Variants in USO1 observed in about 807,000 individuals in gnomAD.
USO1 encodes USO1 vesicle transport factor, also known as general vesicular transport factor p115.
Under a neutral mutation model 124.5 loss-of-function variants are expected in USO1, and 57 were observed. The observed-to-expected ratio is 0.46, with a 90% CI of 0.37 to 0.57. USO1 has a LOEUF of 0.57. USO1 is among the 20% of genes least tolerant of loss of function. USO1 has a pLI of 0.00. For missense variants in USO1, 900 were observed against 1,040.6 expected, an observed-to-expected ratio of 0.86 and a Z score of 1.86; for synonymous variants, 369 against 362.8, an observed-to-expected ratio of 1.02 and a Z score of -0.19.
intron 14 of USO1, 145 bp from the exon 15 acceptor site, chr4:75,800,206 A>T (rs1034182763): frequency 1.0e-6 from 1 of 966,826 alleles, no homozygotes; most frequent in Non-Finnish European, 1.4e-6. Flanking sequence ...CAAAGTGCTG[A>T]GATTACAGGC....
chr4:75,793,423 G>A (rs1050123658), intron 12 of USO1, among the ~76,000 whole-genome samples: 23 of 151,902 alleles, frequency 1.5e-4, no homozygotes, highest in African/African-American at 5.6e-4. Flanking sequence ...AGAATTACAG[G>A]CGTGAGCCAC....
chr4:75,745,616 G>A (rs1302782653), intron 1 of USO1, among the ~76,000 whole-genome samples: 1 of 152,094 alleles, frequency 6.6e-6, no homozygotes, highest in Admixed American at 6.6e-5. Context: ...TTATTAGTTT[G>A]TAGCCAGGCG....
At chr4:75,793,621 CAATT>C (rs1319198069) in intron 12 of USO1, 65 bp from the exon 13 acceptor site, 3 of 1,535,052 alleles carry the variant, frequency 2.0e-6, no homozygotes, top group Non-Finnish European at 8.8e-7. Context: ...GTACAGAAAA[CAATT>C]TATTTAAAAT....
intron 13 of USO1, among the ~76,000 whole-genome samples, chr4:75,798,700 A>G (rs1446842923): frequency 6.6e-6 from 1 of 152,186 alleles, no homozygotes; most frequent in Non-Finnish European, 1.5e-5. Context: ...TTCGGAACAC[A>G]GTGATGATTA....
At chr4:75,803,970 T>C (rs1045214683) in intron 17 of USO1, among the ~76,000 whole-genome samples, 164 bp from the exon 18 acceptor site, 3 of 152,226 alleles carry the variant, frequency 2.0e-5, no homozygotes, top group African/African-American at 7.2e-5. Flanking sequence ...TTGGCCTTGA[T>C]GGATATATTA....
intron 21 of USO1, 89 bp from the exon 22 acceptor site, chr4:75,810,342 CA>C: frequency 7.2e-7 from 1 of 1,387,894 alleles, no homozygotes; most frequent in Non-Finnish European, 9.5e-7. Flanking sequence ...AGTAAAATAT[CA>C]AAATGGCAAA....
intron 4 of USO1, among the ~76,000 whole-genome samples, chr4:75,759,737 C>T (rs1314906635): frequency 6.6e-6 from 1 of 151,366 alleles, no homozygotes; most frequent in South Asian, 2.1e-4. Context: ...GGAGAAACCC[C>T]GTCTCTACTA....
chr4:75,749,195 G>T (rs897720944), intron 1 of USO1, among the ~76,000 whole-genome samples: 3 of 151,958 alleles, frequency 2.0e-5, no homozygotes, highest in Non-Finnish European at 4.4e-5. Flanking sequence ...AGTTAATTTC[G>T]TATAACCTTG....
At chr4:75,737,446 TGGG>T (rs1050848112) in intron 1 of USO1, among the ~76,000 whole-genome samples, 1 of 152,130 alleles carries the variant, frequency 6.6e-6, no homozygotes, top group Non-Finnish European at 1.5e-5. Flanking sequence ...ATTAAAAAGA[TGGG>T]GGGTCTTAAA....
chr4:75,754,506 C>G (rs1421516354), intron 3 of USO1, among the ~76,000 whole-genome samples: 2 of 152,320 alleles, frequency 1.3e-5, no homozygotes, highest in East Asian at 3.9e-4. Flanking sequence ...TTGTACATTT[C>G]TACTCTACCA....
At chr4:75,768,430 C>T (rs929970062) in intron 4 of USO1, among the ~76,000 whole-genome samples, 20 of 142,796 alleles carry the variant, frequency 1.4e-4, no homozygotes, top group African/African-American at 2.0e-4. Flanking sequence ...TTTTAATTTC[C>T]GATTGTCATT....
intron 10 of USO1, among the ~76,000 whole-genome samples, chr4:75,789,279 T>TTGC (rs1453331435): frequency 1.9e-5 from 1 of 53,102 alleles, no homozygotes; most frequent in South Asian, 9.2e-4. Context: ...CTGTTTTGTG[T>TTGC]TGCTGTTGTT....
intron 1 of USO1, among the ~76,000 whole-genome samples, chr4:75,733,500 TTAA>T (rs1211694117): frequency 1.3e-5 from 2 of 152,216 alleles, no homozygotes; most frequent in African/African-American, 4.8e-5. Flanking sequence ...TTTTGTCTTT[TTAA>T]TAATAGTCAT....
chr4:75,768,138 T>C lies in USO1; in HGVS notation c.296-2301T>C, dbSNP rs146447227. Among the ~76,000 whole-genome samples the C allele has an allele frequency of 5.1e-3, 776 of 152,254 alleles. 8 individuals are homozygous for C. The highest frequency in any genetic ancestry group is 0.018 in the African/African-American group (745 of 41,564). On this transcript the variant is annotated intron_variant, in intron 4 of 23. Transcript: ENST00000514213. ...CTCAAGGGATCCTCCCACCTCAGCCTCCCGAGTAGCTGGGACTACAGGCAT... is the reference window on the plus strand; with the variant it reads ...CTCAAGGGATCCTCCCACCTCAGCCCCCCGAGTAGCTGGGACTACAGGCAT...
rs761137248 is a variant in USO1, at chr4:75,801,143, A to T, written c.1929A>T (p.Lys643Asn). 10 of 1,610,804 alleles carry T rather than the reference A, an allele frequency of 6.2e-6. No individual in the cohort carries two copies. The highest frequency in any genetic ancestry group is 2.2e-5 in the East Asian group (1 of 44,662). Residue 643 changes from lysine to asparagine, a missense_variant, in exon 17 of 24, where the codon AAA becomes AAT. Lys to Asn is a moderately conservative substitution (Grantham distance 94). Coordinates refer to ENST00000514213, the MANE Select transcript of USO1 (RefSeq NM_003715.4). ...ATAAAAAAGAAGAAGAGGTGAAAAA[A>T]ACATTAGAACAGCATGACAATATTG... is the stretch of plus-strand genomic sequence containing the variant. ...EEDKKEEEVKKTLEQHDNIVT... is the reference protein window; with the variant it reads ...EEDKKEEEVKNTLEQHDNIVT...
intron 1 of USO1, chr4:75,745,048 C>T (rs1721083785): frequency 2.9e-6 from 1 of 348,510 alleles, no homozygotes; most frequent in African/African-American, 2.2e-5. Flanking sequence ...AAATCTTTGC[C>T]CACTGCCATC....
chr4:75,806,050 G>A (rs1722988241), intron 19 of USO1, among the ~76,000 whole-genome samples: 1 of 152,076 alleles, frequency 6.6e-6, no homozygotes, highest in Admixed American at 6.5e-5. Context: ...GGAGCGCAGT[G>A]GCACAATCTC....
chr4:75,778,746 A>C (rs983258282), intron 8 of USO1, among the ~76,000 whole-genome samples: 1 of 152,214 alleles, frequency 6.6e-6, no homozygotes, highest in Non-Finnish European at 1.5e-5. Context: ...TATAGCACAG[A>C]GTGAACCTTA....
rs182358720 is a variant in USO1, at chr4:75,736,207, G to A, written c.66+11322G>A. The stretch of plus-strand genomic sequence containing the variant: ...CATAAATCCTTCCAGACCTTTATAC[G>A]TAATCATGCCTCTGTGTAATATACA... On this transcript the variant is annotated intron_variant, in intron 1 of 23. Coordinates refer to ENST00000514213, the MANE Select transcript of USO1 (RefSeq NM_003715.4). 1.2e-4 allele frequency among the ~76,000 whole-genome samples: 18 copies of A among 149,620 alleles called. No individual in the cohort carries two copies. In the East Asian group the frequency reaches 2.6e-3, roughly 21 times the overall value.
Sources: gnomAD v4.1 joint callset for allele counts (sites outside exome capture counted in the v4.1 genomes callset) on GRCh38, gnomAD v4.1.1 for gene constraint, MANE v1.5 for transcripts, NCBI Gene and HGNC (gene_info 2026-07-23, HGNC 2026-07-21) for gene names.